MGST1: variants seen among roughly 807,000 people sequenced by gnomAD.
MGST1 encodes the protein microsomal glutathione S-transferase 1.
A neutral mutation model predicts 8.9 loss-of-function variants in MGST1; 5 were observed. The observed-to-expected ratio is 0.56, with a 90% confidence interval of 0.29 to 1.19. MGST1 has a LOEUF of 1.19. Among genes scored for constraint, MGST1 ranks in the 50% most tolerant of loss-of-function variants. The probability of loss-of-function intolerance (pLI) is 0.08; values close to 1 mark genes in which losing one functional copy is unlikely to be tolerated. For missense variants in MGST1, 182 were observed against 187.4 expected (o/e 0.97, Z 0.17); for synonymous variants, 54 against 67.8 (o/e 0.80, Z 1.00).
intron 1 of MGST1, among the ~76,000 whole-genome samples, chr12:16,426,650 T>A (rs2137088764): frequency 6.6e-6 from 1 of 152,302 alleles, no homozygotes; most frequent in African/African-American, 2.4e-5. Flanking sequence ...CTTCATCCTG[T>A]TGTAGTTAAA....
rs139471759 is a variant in MGST1 at position 16,461,847 on chromosome 12, C to T, written n.482+78243C>T. Among the ~76,000 whole-genome samples the T allele has an allele frequency of 2.2e-3, 339 of 152,204 alleles. 1 individual carries two copies. Among genetic ancestry groups the T allele is most frequent in the Non-Finnish European group, 4.2e-3 (284 of 67,972 alleles). ...CATAATCGTCTTTATCATGTATTAT[C>T]GTCTTTATCATGTATTATCCCCAAC... On this transcript the variant is annotated intron_variant and non_coding_transcript_variant, in intron 4 of 4. Coordinates refer to the MGST1 transcript ENST00000538857.
In MGST1 at chr12:16,401,896, C is replaced by A; in HGVS notation, n.778+18292C>A. On this transcript the variant is annotated intron_variant and non_coding_transcript_variant, in intron 1 of 1. Coordinates refer to the MGST1 transcript ENST00000359720. The surrounding 1 kb of genome is among the most constrained non-coding windows in gnomAD (Gnocchi z 4.3). Reference sequence around the variant, plus strand: ...TTCATTAATTTGAGCTCCCCATCCTCCCTTACAGCGACTGTATATGCCACA... The same window carrying A: ...TTCATTAATTTGAGCTCCCCATCCTACCTTACAGCGACTGTATATGCCACA... 1 of 1,604,938 alleles carries A rather than the reference C, an allele frequency of 6.2e-7. No individual in the cohort carries two copies. The highest frequency in any genetic ancestry group is 2.2e-5 in the East Asian group (1 of 44,838).
At chr12:16,477,752 A>G (rs1233015545) in intron 4 of MGST1, among the ~76,000 whole-genome samples, 1 of 152,162 alleles carries the variant, frequency 6.6e-6, no homozygotes, top group African/African-American at 2.4e-5. Context: ...CTTCTACAGT[A>G]GGTTAGATCA....
chr12:16,420,236 A>G (rs1940823081), intron 1 of MGST1, among the ~76,000 whole-genome samples: 1 of 152,022 alleles, frequency 6.6e-6, no homozygotes, highest in Non-Finnish European at 1.5e-5. Context: ...CATCATCAAG[A>G]TGCCCACTTC....
At position 16,392,380 on chromosome 12, in the gene MGST1, G is replaced by A. The variant is rs720145; in HGVS notation, n.778+8776G>A. On this transcript the variant is annotated intron_variant and non_coding_transcript_variant, in intron 1 of 1. Transcript: ENST00000359720. ...TTCATTGGCACTCTCAGAAAGTTTC[G>A]TTTTATTACTTTCTCAGTAATATCA... 4.7e-3 allele frequency among the ~76,000 whole-genome samples: 711 copies of A among 152,206 alleles called. 7 individuals are homozygous for A. The highest frequency in any genetic ancestry group is 0.031 in the East Asian group (161 of 5,164).
chr12:16,536,197 A>C (rs990745661), intron 4 of MGST1, among the ~76,000 whole-genome samples: 1 of 152,010 alleles, frequency 6.6e-6, no homozygotes, highest in Non-Finnish European at 1.5e-5. Flanking sequence ...GAAGTCTATG[A>C]GATATAATTG....
At chr12:16,377,997 G>C (rs986037389), downstream of MGST1, among the ~76,000 whole-genome samples, 1 of 151,210 alleles carries the variant, frequency 6.6e-6, no homozygotes, top group Admixed American at 6.6e-5. Flanking sequence ...GGGGTTGTTT[G>C]TTTTTTTCTT....
At chr12:16,354,932 T>A (rs1050255069) in intron 2 of MGST1, among the ~76,000 whole-genome samples, 2 of 151,896 alleles carry the variant, frequency 1.3e-5, no homozygotes, top group Non-Finnish European at 2.9e-5. Context: ...AGAATGACTT[T>A]TTTTTTTTTA....
intron 4 of MGST1, among the ~76,000 whole-genome samples, chr12:16,533,750 A>T (rs1012986880): frequency 6.6e-6 from 1 of 151,802 alleles, no homozygotes; most frequent in African/African-American, 2.4e-5. Context: ...TTTGTGATCA[A>T]TTACTCACAG....
At chr12:16,422,445 C>A (rs999159490) in intron 1 of MGST1, among the ~76,000 whole-genome samples, 9 of 152,062 alleles carry the variant, frequency 5.9e-5, no homozygotes, top group African/African-American at 1.9e-4. Flanking sequence ...CAGCATGTGC[C>A]ACACAGACCA....
intron 4 of MGST1, among the ~76,000 whole-genome samples, chr12:16,580,433 A>G (rs1423661152): frequency 3.3e-5 from 5 of 152,236 alleles, no homozygotes; most frequent in Admixed American, 3.3e-4. Flanking sequence ...ATGTCATGAA[A>G]ATGACAATGT....
At chr12:16,566,704 A>G (rs1047031140) in intron 4 of MGST1, among the ~76,000 whole-genome samples, 5 of 151,876 alleles carry the variant, frequency 3.3e-5, no homozygotes, top group African/African-American at 1.2e-4. Flanking sequence ...ATTTTTCTTT[A>G]TTAACACATA....
chr12:16,532,911 C>G (rs1424725751), intron 4 of MGST1, among the ~76,000 whole-genome samples: 1 of 152,084 alleles, frequency 6.6e-6, no homozygotes, highest in Non-Finnish European at 1.5e-5. Flanking sequence ...ATGTGGCTCA[C>G]CTAGGACCTG....
chr12:16,574,181 G>C (rs1033535527), intron 4 of MGST1, among the ~76,000 whole-genome samples: 1 of 151,952 alleles, frequency 6.6e-6, no homozygotes, highest in African/African-American at 2.4e-5. Context: ...GAAGACAGTA[G>C]GGCTAGAAAT....
At position 16,417,228 on chromosome 12, in the gene MGST1, C is replaced by T. The variant is rs149826645; in HGVS notation, n.779-20160C>T. On this transcript the variant is annotated intron_variant and non_coding_transcript_variant, in intron 1 of 1. Transcript: ENST00000359720. ...CAATCATAGCAGAAGGGGAGGCAAA[C>T]ACATCCTTTTTCACATGGTGGCAGG... 2.9e-3 allele frequency among the ~76,000 whole-genome samples: 440 copies of T among 152,218 alleles called. 3 individuals carry two copies. Among genetic ancestry groups the T allele is most frequent in the African/African-American group, 1.0e-2 (415 of 41,534 alleles).
At chr12:16,396,398 A>G (rs1336847748) in intron 1 of MGST1, among the ~76,000 whole-genome samples, 2 of 152,156 alleles carry the variant, frequency 1.3e-5, no homozygotes, top group Non-Finnish European at 2.9e-5. Context: ...CCCACTCTCA[A>G]CACTTCTATT....
At chr12:16,488,680 ATAT>A (rs1591743308) in intron 4 of MGST1, among the ~76,000 whole-genome samples, 1 of 152,234 alleles carries the variant, frequency 6.6e-6, no homozygotes, top group Admixed American at 6.5e-5. Flanking sequence ...TTTAATGTAC[ATAT>A]TATTAATATG....
chr12:16,406,465 A>G lies in MGST1; in HGVS notation n.778+22861A>G, dbSNP rs12315495. 4.4e-3 allele frequency among the ~76,000 whole-genome samples: 677 copies of G among 152,356 alleles called. 1 individual carries two copies. Among genetic ancestry groups the G allele is most frequent in the Middle Eastern group, 0.02 (6 of 294 alleles). On this transcript the variant is annotated intron_variant and non_coding_transcript_variant, in intron 1 of 1. Coordinates refer to the MGST1 transcript ENST00000359720. ...ATTCTCATGGATAGGAAGAATCAAT[A>G]TCATTAAAATGACCATAATGCCAAA...
At position 16,556,031 on chromosome 12, in the gene MGST1, C is replaced by T. The variant is rs536449349; in HGVS notation, n.483-33497C>T. On this transcript the variant is annotated intron_variant and non_coding_transcript_variant, in intron 4 of 4. Transcript: ENST00000538857. ...TGATGTCCTGTCTCTCCCGTAGCTC[C>T]GGACACCTCTAAGAAATAAACCAGA... Among the ~76,000 whole-genome samples the T allele has an allele frequency of 2.6e-5, 4 of 152,186 alleles. No homozygotes were observed. The East Asian group carries it at 7.7e-4, about 29-fold the overall frequency.
Sources: allele counts gnomAD v4.1 joint callset (sites outside exome capture counted in the v4.1 genomes callset), GRCh38; gene constraint gnomAD v4.1.1; non-coding constraint Gnocchi (gnomAD v3.1); transcripts MANE v1.5; gene names NCBI Gene and HGNC (gene_info 2026-07-23, HGNC 2026-07-21).